Variants in CLSTN1 observed in about 807,000 individuals in gnomAD.
CLSTN1 encodes the protein calsyntenin 1, also known as calsyntenin-1.
A neutral mutation model predicts 108.3 loss-of-function variants in CLSTN1; 28 were observed. The ratio of observed to expected loss-of-function variants is 0.26; its 90% CI spans 0.19 to 0.35. The LOEUF is 0.35. CLSTN1 is among the 10% of genes least tolerant of loss of function. The pLI is 1.00. For synonymous variants in CLSTN1, 524 were observed against 534.9 expected, an observed-to-expected ratio of 0.98 and a Z score of 0.28; for missense variants, 1,157 against 1,302.6, an observed-to-expected ratio of 0.89 and a Z score of 1.72.
chr1:9,752,787 T>C (rs1184918861), intron 4 of CLSTN1, among the ~76,000 whole-genome samples: 1 of 152,048 alleles, frequency 6.6e-6, no homozygotes, highest in Admixed American at 6.6e-5. Context: ...GCTTGAACCC[T>C]GGAGGTGGAG....
At chr1:9,755,031 C>T in intron 4 of CLSTN1, 83 bp downstream of exon 4, 2 of 1,134,826 alleles carry the variant, frequency 1.8e-6, no homozygotes, top group Non-Finnish European at 2.6e-6. Context: ...TCTTGGGGAG[C>T]AGGCAATAGT....
At chr1:9,765,955 A>G (rs1016874990) in intron 2 of CLSTN1, among the ~76,000 whole-genome samples, 6 of 152,180 alleles carry the variant, frequency 3.9e-5, no homozygotes, top group African/African-American at 1.4e-4. Flanking sequence ...ATGTGCTAAA[A>G]AAGCAAAACT....
rs774214563 is a variant in CLSTN1, at chr1:9,773,267, C to T, written c.214+5G>A. ...ATCAAGAGTCAATGAAAGCCCCGTTCCTACCTGCAAATCGCAGAGGCGCAT... is the reference window on the plus strand; with the variant it reads ...ATCAAGAGTCAATGAAAGCCCCGTTTCTACCTGCAAATCGCAGAGGCGCAT... On this transcript the variant is annotated splice_donor_5th_base_variant and intron_variant, in intron 2 of 18. Coordinates refer to ENST00000377298, the MANE Select transcript of CLSTN1 (RefSeq NM_001009566.3). 1.9e-6 allele frequency: 3 copies of T among 1,613,918 alleles called. No homozygotes were observed. The highest frequency in any genetic ancestry group is 2.5e-6 in the Non-Finnish European group (3 of 1,179,910).
chr1:9,803,223 C>T (rs1654360817), intron 1 of CLSTN1, among the ~76,000 whole-genome samples: 1 of 152,112 alleles, frequency 6.6e-6, no homozygotes, highest in African/African-American at 2.4e-5. Flanking sequence ...AGGATTCTAT[C>T]ATAAAAGGGA....
At chr1:9,805,765 G>A (rs774904096) in intron 1 of CLSTN1, among the ~76,000 whole-genome samples, 1 of 151,258 alleles carries the variant, frequency 6.6e-6, no homozygotes, top group Non-Finnish European at 1.5e-5. Flanking sequence ...TACTCAGGAG[G>A]CTGAGGCAGG....
intron 1 of CLSTN1, among the ~76,000 whole-genome samples, chr1:9,789,336 T>C (rs944087064): frequency 1.3e-5 from 2 of 151,418 alleles, no homozygotes; most frequent in African/African-American, 4.8e-5. Flanking sequence ...CTCCACCTCC[T>C]TCCCAGCACT....
intron 1 of CLSTN1, among the ~76,000 whole-genome samples, chr1:9,781,572 T>G (rs886336080): frequency 6.6e-6 from 1 of 151,896 alleles, no homozygotes; most frequent in Non-Finnish European, 1.5e-5. Context: ...GCCTCCCAAG[T>G]AGCTGGGATT....
At chr1:9,747,473 G>T (rs1651335966) in intron 7 of CLSTN1, among the ~76,000 whole-genome samples, 1 of 151,912 alleles carries the variant, frequency 6.6e-6, no homozygotes, top group Non-Finnish European at 1.5e-5. Context: ...TTCTACTTTG[G>T]TTTATTTACC....
chr1:9,782,056 G>GT (rs1206187496), intron 1 of CLSTN1, among the ~76,000 whole-genome samples: 2 of 152,168 alleles, frequency 1.3e-5, no homozygotes, highest in African/African-American at 2.4e-5. Flanking sequence ...TCGGAATCTT[G>GT]TTTTTTAAAA....
intron 1 of CLSTN1, among the ~76,000 whole-genome samples, chr1:9,779,922 G>T (rs1653163514): frequency 6.6e-6 from 1 of 151,836 alleles, no homozygotes; most frequent in African/African-American, 2.4e-5. Flanking sequence ...GTGCAATCTG[G>T]GCTCACTGCA....
At position 9,799,981 on chromosome 1, in the gene CLSTN1, A is replaced by G. The variant is rs553778273; in HGVS notation, c.91+23662T>C. 4.3e-4 allele frequency among the ~76,000 whole-genome samples: 65 copies of G among 152,252 alleles called. 2 individuals are homozygous for G. The South Asian group carries it at 0.013, about 30-fold the overall frequency. ...ACAAAAAACCACACATAAATGTAAC[A>G]CGTGGATCAACAAAGAAATATCGAG... On this transcript the variant is annotated intron_variant, in intron 1 of 18. Coordinates refer to ENST00000377298, the MANE Select transcript of CLSTN1 (RefSeq NM_001009566.3).
intron 1 of CLSTN1, among the ~76,000 whole-genome samples, chr1:9,788,685 T>G (rs1431800987): frequency 6.6e-6 from 1 of 150,484 alleles, no homozygotes; most frequent in Non-Finnish European, 1.5e-5. Context: ...GGCTAACACT[T>G]TGAAACCCCA....
intron 1 of CLSTN1, among the ~76,000 whole-genome samples, chr1:9,801,608 G>A (rs1201618688): frequency 1.3e-5 from 2 of 152,126 alleles, no homozygotes; most frequent in Non-Finnish European, 2.9e-5. Context: ...AGGCTGGAGC[G>A]CAGTGGCACG....
chr1:9,748,569 C>T (rs984026311), intron 7 of CLSTN1, among the ~76,000 whole-genome samples: 2 of 152,228 alleles, frequency 1.3e-5, no homozygotes, highest in South Asian at 2.1e-4. Flanking sequence ...CTCACTGCAA[C>T]GTCCACCTCC....
At position 9,808,914 on chromosome 1, in the gene CLSTN1, T is replaced by C. The variant is rs1570519776; in HGVS notation, c.91+14729A>G. 2.6e-5 allele frequency among the ~76,000 whole-genome samples: 4 copies of C among 151,590 alleles called. No homozygotes were observed. The South Asian group carries it at 8.3e-4, about 32-fold the overall frequency. On this transcript the variant is annotated intron_variant, in intron 1 of 18. Coordinates refer to ENST00000377298, the MANE Select transcript of CLSTN1 (RefSeq NM_001009566.3). ...GCTGCTGTCCCAAATCCTCATCTGGTCTCCTGCATTCTAGATATAACAGAA... is the reference window on the plus strand; with the variant it reads ...GCTGCTGTCCCAAATCCTCATCTGGCCTCCTGCATTCTAGATATAACAGAA...
chr1:9,758,000 G>GT (rs1334122941), intron 2 of CLSTN1, among the ~76,000 whole-genome samples: 1 of 149,644 alleles, frequency 6.7e-6, no homozygotes, highest in Non-Finnish European at 1.5e-5. Context: ...TTGTTTGTTT[G>GT]TTTTGGGGGG....
At chr1:9,813,314 C>A (rs1461904216) in intron 1 of CLSTN1, among the ~76,000 whole-genome samples, 1 of 151,628 alleles carries the variant, frequency 6.6e-6, no homozygotes, top group Non-Finnish European at 1.5e-5. Flanking sequence ...CCTGGGCAAC[C>A]TGGTGAAACC....
At chr1:9,756,606 T>C in intron 2 of CLSTN1, 96 bp from the exon 3 acceptor site, 2 of 974,858 alleles carry the variant, frequency 2.1e-6, no homozygotes, top group South Asian at 1.5e-5. Flanking sequence ...ATATTACACA[T>C]TTCCACACCA....
intron 2 of CLSTN1, among the ~76,000 whole-genome samples, chr1:9,757,840 C>T (rs1269751538): frequency 2.6e-5 from 4 of 152,188 alleles, no homozygotes; most frequent in African/African-American, 9.7e-5. Context: ...ACTGGGCCCT[C>T]ACTGGTGGCA....
Sources: allele counts gnomAD v4.1 joint callset (sites outside exome capture counted in the v4.1 genomes callset), GRCh38; gene constraint gnomAD v4.1.1; transcripts MANE v1.5; gene names NCBI Gene and HGNC (gene_info 2026-07-23, HGNC 2026-07-21).